The following INSYN2B variants were observed in gnomAD, a reference collection of about 807,000 sequenced individuals.
INSYN2B encodes the protein inhibitory synaptic factor family member 2B, also known as protein INSYN2B.
Under a neutral mutation model 41.2 loss-of-function variants are expected in INSYN2B, and 16 were observed. That is an observed-to-expected ratio of 0.39 (90% CI 0.26 to 0.59). The LOEUF is 0.59. Among genes scored for constraint, INSYN2B ranks in the 20% least tolerant of loss-of-function variants. The pLI is 0.57. For missense variants in INSYN2B, 608 were observed against 646.4 expected, an observed-to-expected ratio of 0.94 and a Z score of 0.64; for synonymous variants, 245 against 244.4, an observed-to-expected ratio of 1.00 and a Z score of -0.02.
intron 3 of INSYN2B, among the ~76,000 whole-genome samples, chr5:169,869,476 G>A (rs1165682162): frequency 1.3e-5 from 2 of 152,188 alleles, no homozygotes; most frequent in African/African-American, 2.4e-5. Context: ...AAGGAAAATT[G>A]CCACTTTTCT....
chr5:169,864,419 C>T lies in INSYN2B; in HGVS notation c.1462G>A (p.Glu488Lys), dbSNP rs1483793400. ...DFRQQEGRFH[E>K]VLQSLEEAEP... is the part of the protein sequence containing the mutation. Reference sequence around the variant, plus strand: ...GCTTCCTCCAGACTCTGCAAAACTTCATGGAACCTGCCTTCCTGCTGCCGA... The same window carrying T: ...GCTTCCTCCAGACTCTGCAAAACTTTATGGAACCTGCCTTCCTGCTGCCGA... Residue 488 changes from glutamate (E) to lysine (K), a missense_variant, in exon 4 of 4, where the codon GAA becomes AAA. By Grantham distance (56) the Glu-to-Lys change is moderately conservative. Transcript: ENST00000377365. 18 of 1,549,816 alleles carry T rather than the reference C, an allele frequency of 1.2e-5. No homozygotes were observed. Among genetic ancestry groups the T allele is most frequent in the Non-Finnish European group, 1.6e-5 (18 of 1,146,198 alleles).
intron 1 of INSYN2B, among the ~76,000 whole-genome samples, chr5:169,950,654 A>G (rs541575375): frequency 2.0e-5 from 3 of 152,154 alleles, no homozygotes; most frequent in Non-Finnish European, 4.4e-5. Context: ...CTTTTCCCCT[A>G]TGAAGTATTT....
intron 1 of INSYN2B, among the ~76,000 whole-genome samples, chr5:169,954,285 G>A (rs867316970): frequency 7.9e-5 from 12 of 152,188 alleles, no homozygotes; most frequent in African/African-American, 2.7e-4. Context: ...TGATTCTAAG[G>A]AATAAATTGT....
At chr5:169,936,131 C>T (rs1775982352) in intron 1 of INSYN2B, among the ~76,000 whole-genome samples, 1 of 152,208 alleles carries the variant, frequency 6.6e-6, no homozygotes, top group Non-Finnish European at 1.5e-5. Context: ...AACCACCTGT[C>T]TGCCCTTGAG....
At chr5:169,875,328 G>T (rs1772261303) in intron 3 of INSYN2B, 1 of 456,536 alleles carries the variant, frequency 2.2e-6, no homozygotes, top group Admixed American at 2.3e-5. Flanking sequence ...ACACCCAGGA[G>T]GTTCCGATGC....
At chr5:169,911,839 A>G (rs1225418963) in intron 1 of INSYN2B, among the ~76,000 whole-genome samples, 1 of 152,220 alleles carries the variant, frequency 6.6e-6, no homozygotes, top group East Asian at 1.9e-4. Context: ...GAAAGAAAAT[A>G]AAGGGAGGGA....
At chr5:169,903,798 G>A (rs1236662812) in intron 1 of INSYN2B, among the ~76,000 whole-genome samples, 1 of 152,140 alleles carries the variant, frequency 6.6e-6, no homozygotes, top group East Asian at 1.9e-4. Context: ...GAAGCCTCCA[G>A]TGGGTTTTAG....
In INSYN2B at chr5:169,863,717, C is replaced by A. The variant is rs562496621; in HGVS notation, c.*556G>T. 1.3e-5 allele frequency among the ~76,000 whole-genome samples: 2 copies of A among 152,238 alleles called. No homozygotes were observed. The highest frequency in any genetic ancestry group is 4.8e-5 in the African/African-American group (2 of 41,464). ...GGGCTAATTAAAAAGGAAAACAACC[C>A]AACACACCAGGGTGATCTTGCATAA... On this transcript the variant is annotated 3_prime_UTR_variant, in exon 4 of 4. Transcript: ENST00000377365.
intron 3 of INSYN2B, among the ~76,000 whole-genome samples, chr5:169,878,513 C>T (rs1203546534): frequency 6.6e-6 from 1 of 152,186 alleles, no homozygotes; most frequent in African/African-American, 2.4e-5. Context: ...CTATTGCTTG[C>T]TCAGGGCTGT....
At chr5:169,880,748 A>G (rs7727697) in intron 3 of INSYN2B, among the ~76,000 whole-genome samples, 53,921 of 152,144 alleles carry the variant, frequency 0.35, 10,999 homozygotes, top group Non-Finnish European at 0.45. Context: ...AAGTTAGCTG[A>G]TGGCAGACTT....
In INSYN2B at chr5:169,972,701, C is replaced by G. The variant is rs1449329733; in HGVS notation, c.-919+7576G>C. Reference sequence around the variant, plus strand: ...TGGACCATCATCATACCTGACATAGCTCCTTACACACAATAAGTGCTAAAT... The same window carrying G: ...TGGACCATCATCATACCTGACATAGGTCCTTACACACAATAAGTGCTAAAT... On this transcript the variant is annotated intron_variant, in intron 1 of 3. Transcript: ENST00000377365. Among the ~76,000 whole-genome samples, 6 of 152,244 alleles carry G rather than the reference C, an allele frequency of 3.9e-5. No individual in the cohort carries two copies. In the East Asian group the frequency reaches 9.6e-4, roughly 24 times the overall value.
chr5:169,916,350 C>A (rs565320053), intron 1 of INSYN2B, among the ~76,000 whole-genome samples: 6 of 152,196 alleles, frequency 3.9e-5, no homozygotes, highest in African/African-American at 1.4e-4. Context: ...TGACAGGTGG[C>A]CTTTCATCAG....
intron 1 of INSYN2B, among the ~76,000 whole-genome samples, chr5:169,964,406 T>C (rs182378962): frequency 2.8e-4 from 42 of 152,294 alleles, no homozygotes; most frequent in African/African-American, 1.0e-3. Context: ...CAGAATGTAT[T>C]TGCAAGTAAA....
intron 1 of INSYN2B, among the ~76,000 whole-genome samples, chr5:169,926,459 G>A (rs1285526615): frequency 6.6e-6 from 1 of 152,178 alleles, no homozygotes; most frequent in Non-Finnish European, 1.5e-5. Context: ...ATTATGGTCT[G>A]CATTGATCTT....
At chr5:169,901,241 A>G (rs1443456396) in intron 1 of INSYN2B, among the ~76,000 whole-genome samples, 4 of 152,198 alleles carry the variant, frequency 2.6e-5, no homozygotes, top group Non-Finnish European at 4.4e-5. Context: ...CTCTGATGCA[A>G]GAAAGGTATT....
chr5:169,942,174 A>G (rs1195686868), intron 1 of INSYN2B, among the ~76,000 whole-genome samples: 1 of 152,196 alleles, frequency 6.6e-6, no homozygotes, highest in African/African-American at 2.4e-5. Context: ...TCTGTAGCAT[A>G]TCTTATTTAT....
At chr5:169,871,653 A>T (rs1771981689) in intron 3 of INSYN2B, among the ~76,000 whole-genome samples, 1 of 152,194 alleles carries the variant, frequency 6.6e-6, no homozygotes, top group Non-Finnish European at 1.5e-5. Flanking sequence ...GACTGAAATA[A>T]CATAGTAATC....
intron 1 of INSYN2B, among the ~76,000 whole-genome samples, chr5:169,963,615 A>G (rs1168736708): frequency 6.6e-6 from 1 of 152,066 alleles, no homozygotes; most frequent in African/African-American, 2.4e-5. Flanking sequence ...GTGCACATCA[A>G]AGCAGGAGTT....
At chr5:169,910,683 T>C (rs1774547009) in intron 1 of INSYN2B, among the ~76,000 whole-genome samples, 1 of 152,322 alleles carries the variant, frequency 6.6e-6, no homozygotes, top group African/African-American at 2.4e-5. Context: ...ACCTGTTACA[T>C]CTCTAGCTAC....
Sources: allele counts gnomAD v4.1 joint callset (sites outside exome capture counted in the v4.1 genomes callset), GRCh38; gene constraint gnomAD v4.1.1; transcripts MANE v1.5; gene names NCBI Gene and HGNC (gene_info 2026-07-23, HGNC 2026-07-21).